Variants in EIF4G3 observed in about 807,000 individuals in gnomAD.
EIF4G3 encodes eIF-4-gamma 3.
EIF4G3 carries 34 observed loss-of-function variants against 186.4 expected under a neutral mutation model. That is an observed-to-expected ratio of 0.18 (90% CI 0.14 to 0.24). The LOEUF (loss-of-function observed/expected upper bound fraction) is 0.24, where lower values mean the gene tolerates loss of function less well. Among genes scored for constraint, EIF4G3 ranks in the 10% least tolerant of loss-of-function variants. The probability of loss-of-function intolerance (pLI) is 1.00; values close to 1 mark genes in which losing one functional copy is unlikely to be tolerated. For synonymous variants in EIF4G3, 673 were observed against 679.5 expected (o/e 0.99, Z 0.15); for missense variants, 1,536 against 1,948.5 (o/e 0.79, Z 3.99).
At chr1:21,027,893 G>A (rs2092336897) in intron 4 of EIF4G3, among the ~76,000 whole-genome samples, 1 of 152,152 alleles carries the variant, frequency 6.6e-6, no homozygotes, top group Non-Finnish European at 1.5e-5. Context: ...AACCAAGTAT[G>A]CATCAGCAAA....
At chr1:21,068,395 A>AAAAAAAAAAAAAAC (rs2095335906) in intron 3 of EIF4G3, among the ~76,000 whole-genome samples, 1 of 149,434 alleles carries the variant, frequency 6.7e-6, no homozygotes, top group Non-Finnish European at 1.5e-5. Flanking sequence ...AAAAAAAAAA[A>AAAAAAAAAAAAAAC]AAAAACAGAA....
chr1:20,961,659 CAA>C (rs1573572879), intron 12 of EIF4G3, among the ~76,000 whole-genome samples: 2 of 152,062 alleles, frequency 1.3e-5, no homozygotes, highest in Non-Finnish European at 2.9e-5. Flanking sequence ...AACAGCATAA[CAA>C]AGCAAGGATC....
At chr1:20,923,732 G>A (rs1302195286) in intron 14 of EIF4G3, among the ~76,000 whole-genome samples, 2 of 151,664 alleles carry the variant, frequency 1.3e-5, no homozygotes, top group Admixed American at 6.6e-5. Flanking sequence ...TAATATGTGG[G>A]AGCTACTATG....
intron 2 of EIF4G3, among the ~76,000 whole-genome samples, chr1:21,122,023 G>A (rs2102366321): frequency 6.6e-6 from 1 of 152,244 alleles, no homozygotes; most frequent in Non-Finnish European, 1.5e-5. Context: ...GGTTTTCCCA[G>A]GTTCGCACAC....
At chr1:20,978,504 T>A (rs1212903249) in intron 10 of EIF4G3, among the ~76,000 whole-genome samples, 1 of 152,066 alleles carries the variant, frequency 6.6e-6, no homozygotes, top group Non-Finnish European at 1.5e-5. Context: ...AACAAAAGAT[T>A]CCAGAAATTA....
Position 20,860,473 on chromosome 1 carries a change from G to A in EIF4G3, c.3156C>T (p.Ile1052=), listed in dbSNP as rs141109227. 4,905 of 1,613,928 alleles carry A rather than the reference G, an allele frequency of 3.0e-3. 11 individuals are homozygous for A. Among genetic ancestry groups the A allele is most frequent in the Non-Finnish European group, 3.8e-3 (4,472 of 1,179,978 alleles). ...TTTTAGCCTCTTTGTGAATCTGTTC[G>A]ATAGTTTTAGGCCCTTGATCTGCTC... ...SRRADQGPKT[I]EQIHKEAKIE... The change falls in exon 24 of 37, where the codon ATC becomes ATT. Residue 1052 remains isoleucine, a synonymous_variant. Transcript: ENST00000602326.
intron 10 of EIF4G3, among the ~76,000 whole-genome samples, chr1:20,979,360 G>A (rs1312288345): frequency 1.3e-5 from 2 of 152,106 alleles, no homozygotes; most frequent in Non-Finnish European, 2.9e-5. Flanking sequence ...AGAATCACAG[G>A]TTCACTGAGT....
intron 4 of EIF4G3, among the ~76,000 whole-genome samples, chr1:21,031,037 T>C (rs2092693347): frequency 6.6e-6 from 1 of 151,990 alleles, no homozygotes; most frequent in Non-Finnish European, 1.5e-5. Context: ...AATACAAAAA[T>C]TAGCCAGGCA....
intron 2 of EIF4G3, among the ~76,000 whole-genome samples, chr1:21,094,978 C>T (rs1172231179): frequency 6.6e-6 from 1 of 152,068 alleles, no homozygotes; most frequent in Non-Finnish European, 1.5e-5. Context: ...GCTCTCCTTA[C>T]CTTTTACCAT....
At chr1:20,953,772 C>A (rs901243729) in intron 12 of EIF4G3, among the ~76,000 whole-genome samples, 1 of 152,126 alleles carries the variant, frequency 6.6e-6, no homozygotes, top group African/African-American at 2.4e-5. Context: ...GTACTGCCCA[C>A]AAGGTAAGTT....
intron 3 of EIF4G3, among the ~76,000 whole-genome samples, chr1:21,054,613 G>T (rs550141871): frequency 6.6e-6 from 1 of 152,120 alleles, no homozygotes; most frequent in East Asian, 1.9e-4. Context: ...TTCATCATTA[G>T]ACATATTCTC....
chr1:20,891,927 C>A (rs987615236), intron 18 of EIF4G3, among the ~76,000 whole-genome samples: 11 of 152,134 alleles, frequency 7.2e-5, no homozygotes, highest in African/African-American at 2.7e-4. Flanking sequence ...CAGAGTATCT[C>A]ACATACACAG....
intron 4 of EIF4G3, among the ~76,000 whole-genome samples, chr1:21,048,833 A>C (rs2094044545): frequency 6.6e-6 from 1 of 152,196 alleles, no homozygotes; most frequent in South Asian, 2.1e-4. Flanking sequence ...TAGGGGTAGC[A>C]GTCTCTCACC....
intron 2 of EIF4G3, among the ~76,000 whole-genome samples, chr1:21,136,625 G>A (rs1573117451): frequency 6.6e-6 from 1 of 152,246 alleles, no homozygotes; most frequent in Non-Finnish European, 1.5e-5. Context: ...GTGCCCAAAT[G>A]CCTGGACAAA....
intron 10 of EIF4G3, among the ~76,000 whole-genome samples, chr1:20,974,997 C>T (rs951550226): frequency 3.9e-5 from 6 of 152,146 alleles, no homozygotes; most frequent in African/African-American, 1.4e-4. Flanking sequence ...CCACTACCAC[C>T]ATAACACTTT....
chr1:21,159,486 C>T (rs1450384240), intron 2 of EIF4G3, among the ~76,000 whole-genome samples: 5 of 151,730 alleles, frequency 3.3e-5, no homozygotes, highest in East Asian at 1.9e-4. Context: ...CCTGTAATCC[C>T]AGCACTTTGG....
intron 3 of EIF4G3, among the ~76,000 whole-genome samples, chr1:21,075,659 A>C (rs2095568842): frequency 6.6e-6 from 1 of 151,032 alleles, no homozygotes. Flanking sequence ...CACAAACACA[A>C]ACCAGGAGTA....
At chr1:21,023,906 C>T (rs57653931) in intron 4 of EIF4G3, among the ~76,000 whole-genome samples, 3 of 134,696 alleles carry the variant, frequency 2.2e-5, no homozygotes, top group East Asian at 2.1e-4. Context: ...GCCTCTGCCC[C>T]GCCGCCCCAT....
chr1:21,003,621 G>C (rs10493005), intron 4 of EIF4G3: 6,686 of 326,596 alleles, frequency 0.02, 105 homozygotes, highest in Non-Finnish European at 0.026. Context: ...AGCTAAGGTT[G>C]TCAGTACAAT....
Sources: gnomAD v4.1 joint callset for allele counts (sites outside exome capture counted in the v4.1 genomes callset) on GRCh38, gnomAD v4.1.1 for gene constraint, MANE v1.5 for transcripts, NCBI Gene and HGNC (gene_info 2026-07-23, HGNC 2026-07-21) for gene names.